The following TIGD4 variants were observed in gnomAD, a reference collection of about 807,000 sequenced individuals.
TIGD4 encodes the protein tigger transposable element-derived protein 4.
TIGD4 carries 20 observed loss-of-function variants against 24.9 expected under a neutral mutation model. The ratio of observed to expected loss-of-function variants is 0.80; its 90% CI spans 0.56 to 1.17. The LOEUF (loss-of-function observed/expected upper bound fraction) is 1.17, where lower values mean the gene tolerates loss of function less well. Ranked by LOEUF, TIGD4 falls within the 50% of genes most tolerant of loss-of-function variation. TIGD4 has a pLI of 0.00. For synonymous variants in TIGD4, 193 were observed against 211.0 expected (o/e 0.91, Z 0.74); for missense variants, 566 against 591.0 (o/e 0.96, Z 0.44).
intron 1 of TIGD4, among the ~76,000 whole-genome samples, chr4:152,778,248 T>TA (rs1265064088): frequency 4.6e-5 from 7 of 152,188 alleles, no homozygotes; most frequent in Non-Finnish European, 8.8e-5. Context: ...CTAGCAGGAA[T>TA]CTTTAAGATA....
rs560669572 is a variant in TIGD4, at chr4:152,778,252, T to C, written c.-539+1230A>G. 2.3e-4 allele frequency among the ~76,000 whole-genome samples: 35 copies of C among 152,330 alleles called. 1 individual carries two copies. The South Asian group carries it at 6.0e-3, about 26-fold the overall frequency. ...TCAAGAGACAGCTAGCAGGAATCTT[T>C]AAGATAACAGCCAGCAAAAACAATT... On this transcript the variant is annotated intron_variant, in intron 1 of 1. Coordinates refer to ENST00000304337, the MANE Select transcript of TIGD4 (RefSeq NM_145720.4).
chr4:152,776,596 C>G (rs1221489423), intron 1 of TIGD4, among the ~76,000 whole-genome samples: 1 of 152,152 alleles, frequency 6.6e-6, no homozygotes, highest in Non-Finnish European at 1.5e-5. Context: ...TCATTGTCTT[C>G]TACAGATAGA....
At chr4:152,772,909 A>G (rs760842366) in intron 1 of TIGD4, among the ~76,000 whole-genome samples, 24 of 152,224 alleles carry the variant, frequency 1.6e-4, no homozygotes, top group Non-Finnish European at 3.2e-4. Context: ...ACGGGATTTC[A>G]ACATGTTGGC....
rs554400073 is a variant in TIGD4 at position 152,770,879 on chromosome 4, A to T, written c.126T>A (p.Ile42=). 12 of 1,613,904 alleles carry T rather than the reference A, an allele frequency of 7.4e-6. No homozygotes were observed. The African/African-American group carries it at 1.6e-4, about 22-fold the overall frequency. Residue 42 remains isoleucine, a synonymous_variant, in exon 2 of 2, where the codon ATT becomes ATA. Transcript: ENST00000304337. The part of the protein sequence containing the change: ...AVESGKKKAE[I]AAEYGIKKNS... The stretch of plus-strand genomic sequence containing the variant: ...TTTTCTTTATTCCATATTCAGCAGC[A>T]ATCTCTGCTTTTTTCTTGCCACTTT...
chr4:152,774,307 G>A (rs1386300649), intron 1 of TIGD4, among the ~76,000 whole-genome samples: 2 of 152,150 alleles, frequency 1.3e-5, no homozygotes, highest in Non-Finnish European at 2.9e-5. Context: ...ATTAGTCAAA[G>A]CTACAATTTT....
At chr4:152,775,912 T>C (rs1730252679) in intron 1 of TIGD4, among the ~76,000 whole-genome samples, 1 of 152,200 alleles carries the variant, frequency 6.6e-6, no homozygotes, top group Non-Finnish European at 1.5e-5. Context: ...CTGGAGTTCA[T>C]CTTAGAATTC....
intron 1 of TIGD4, among the ~76,000 whole-genome samples, chr4:152,777,530 G>A (rs983011169): frequency 7.0e-5 from 10 of 142,172 alleles, no homozygotes; most frequent in Non-Finnish European, 1.5e-4. Context: ...GGGAGGGAGG[G>A]AGGAAGGAAG....
rs144040737 is a variant in TIGD4 at position 152,770,003 on chromosome 4, A to G, written c.1002T>C (p.Leu334=). 7.2e-3 allele frequency: 11,556 copies of G among 1,610,154 alleles called. 94 individuals are homozygous for G. Among genetic ancestry groups the G allele is most frequent in the South Asian group, 8.0e-3 (728 of 90,706 alleles). Residue 334 remains leucine, a synonymous_variant, in exon 2 of 2, where the codon CTT becomes CTC. Coordinates refer to ENST00000304337, the MANE Select transcript of TIGD4 (RefSeq NM_145720.4). ...CAACAGAGCTTAAAAATTTCTTGAT[A>G]AGACAGTGTCGATATTTGATTTTAA... ...KSLKIKYRHC[L]IKKFLSSVEG...
intron 1 of TIGD4, 98 bp downstream of exon 1, chr4:152,779,384 G>C (rs1407003695): frequency 6.6e-6 from 1 of 152,296 alleles, no homozygotes; most frequent in East Asian, 1.9e-4. Flanking sequence ...GGGCTCCCCA[G>C]GCACGGGGGC....
Position 152,771,110 on chromosome 4 carries a change from C to G in TIGD4, c.-106G>C. On this transcript the variant is annotated 5_prime_UTR_variant, in exon 2 of 2. Transcript: ENST00000304337. ...ATATAGATTGCTGCTTTCTATCCTA[C>G]TTTATACACTAAAAGTTGGTGTCTA... 7.5e-7 allele frequency: 1 copy of G among 1,336,688 alleles called. No individual in the cohort carries two copies. Among genetic ancestry groups the G allele is most frequent in the Non-Finnish European group, 9.8e-7 (1 of 1,016,290 alleles). The allele number at this position is 1,336,688 out of a possible 1,614,324, so 82.8% of individuals were successfully genotyped here. A position where few individuals can be genotyped will look rare whatever the true frequency, so the allele number is the denominator to read the frequency against.
chr4:152,769,996 T>C lies in TIGD4; in HGVS notation c.1009A>G (p.Lys337Glu). ...CTACCTTCAACAGAGCTTAAAAATT[T>C]CTTGATAAGACAGTGTCGATATTTG... is the stretch of plus-strand genomic sequence containing the variant. ...KIKYRHCLIK[K>E]FLSSVEGSKE... is the part of the protein sequence containing the mutation. Residue 337 changes from lysine (K) to glutamate (E), a missense_variant, in exon 2 of 2, where the codon AAA (lysine) becomes GAA (glutamate). Coordinates refer to ENST00000304337, the MANE Select transcript of TIGD4 (RefSeq NM_145720.4). 5 of 1,609,802 alleles carry C rather than the reference T, an allele frequency of 3.1e-6. No individual in the cohort carries two copies. The highest frequency in any genetic ancestry group is 4.2e-6 in the Non-Finnish European group (5 of 1,177,004).
rs769235268 is a variant in TIGD4 at position 152,770,269 on chromosome 4, T to C, written c.736A>G (p.Lys246Glu). 5.0e-6 allele frequency: 8 copies of C among 1,614,096 alleles called. No individual in the cohort carries two copies. Among genetic ancestry groups the C allele is most frequent in the Non-Finnish European group, 6.8e-6 (8 of 1,179,960 alleles). Residue 246 changes from lysine (K) to glutamate (E), a missense_variant, in exon 2 of 2, where the codon AAA becomes GAA. Coordinates refer to ENST00000304337, the MANE Select transcript of TIGD4 (RefSeq NM_145720.4). ...GCTTCATAACACACAGGCAATGATT[T>C]TAAACCTTTGAAACAATGTGGAGTT... The part of the protein sequence containing the change: ...KRTPHCFKGL[K>E]SLPVCYEANR...
Position 152,769,495 on chromosome 4 carries a change from T to G in TIGD4, c.1510A>C (p.Asn504His). The G allele has an allele frequency of 6.4e-7, 1 of 1,563,378 alleles. No homozygotes were observed. Among genetic ancestry groups the G allele is most frequent in the East Asian group, 2.2e-5 (1 of 44,488 alleles). The change falls in exon 2 of 2, where the codon AAT (asparagine) becomes CAT (histidine). Residue 504 changes from asparagine to histidine, a missense_variant. Physicochemically the swap from Asn to His is moderately conservative, Grantham distance 68. Transcript: ENST00000304337. Reference sequence around the variant, plus strand: ...TTAGGTGATAAAGAGTTAATAAAATTTTCAAGGTCTGCTAAAGAATTTTGA... The same window carrying G: ...TTAGGTGATAAAGAGTTAATAAAATGTTCAAGGTCTGCTAAAGAATTTTGA... ...GLQNSLADLENFINSLSPK is the reference protein window; with the variant it reads ...GLQNSLADLEHFINSLSPK
chr4:152,778,740 G>A (rs996940872), intron 1 of TIGD4, among the ~76,000 whole-genome samples: 1 of 152,144 alleles, frequency 6.6e-6, no homozygotes, highest in African/African-American at 2.4e-5. Context: ...ATACCTGCCA[G>A]GGATATTTCA....
intron 1 of TIGD4, among the ~76,000 whole-genome samples, chr4:152,774,685 G>A (rs55908902): frequency 0.024 from 3,691 of 152,180 alleles, 63 homozygotes; most frequent in Middle Eastern, 0.048. Context: ...TTCAAATAAA[G>A]AAAACAATGG....
chr4:152,770,221 A>C lies in TIGD4; in HGVS notation c.784T>G (p.Ser262Ala). 6.2e-7 allele frequency: 1 copy of C among 1,614,090 alleles called. No homozygotes were observed. The highest frequency in any genetic ancestry group is 8.5e-7 in the Non-Finnish European group (1 of 1,179,974). Residue 262 changes from serine to alanine, a missense_variant, in exon 2 of 2, where the codon TCC becomes GCC. Coordinates refer to ENST00000304337, the MANE Select transcript of TIGD4 (RefSeq NM_145720.4). ...CGCATCCATTGTTCAAATACATCGG[A>C]GGTCATCCATGCCATTCTGTTAGCT... is the stretch of plus-strand genomic sequence containing the variant. ...YEANRMAWMT[S>A]DVFEQWMRKL...
chr4:152,775,865 G>A (rs1730251610), intron 1 of TIGD4, among the ~76,000 whole-genome samples: 1 of 152,162 alleles, frequency 6.6e-6, no homozygotes, highest in South Asian at 2.1e-4. Context: ...ATCCCATCAT[G>A]TTCACAGGGA....
At chr4:152,777,231 T>C (rs1478376648) in intron 1 of TIGD4, among the ~76,000 whole-genome samples, 1 of 152,186 alleles carries the variant, frequency 6.6e-6, no homozygotes, top group African/African-American at 2.4e-5. Context: ...TTAGACTTCA[T>C]TGAGTATGCC....
intron 1 of TIGD4, among the ~76,000 whole-genome samples, chr4:152,779,104 T>C (rs1021319307): frequency 6.6e-6 from 1 of 152,058 alleles, no homozygotes; most frequent in Non-Finnish European, 1.5e-5. Flanking sequence ...GTAGTGCAGG[T>C]TGGGGCCCCG....
Sources: allele counts gnomAD v4.1 joint callset (sites outside exome capture counted in the v4.1 genomes callset), GRCh38; gene constraint gnomAD v4.1.1; transcripts MANE v1.5; gene names NCBI Gene and HGNC (gene_info 2026-07-23, HGNC 2026-07-21).